The following SLC25A42 variants were observed in gnomAD, a reference collection of about 807,000 sequenced individuals.
SLC25A42 encodes the protein mitochondrial coenzyme A transporter SLC25A42.
Under a neutral mutation model 34.7 loss-of-function variants are expected in SLC25A42, and 19 were observed. That is an observed-to-expected ratio of 0.55 (90% CI 0.38 to 0.80). The LOEUF (loss-of-function observed/expected upper bound fraction) is 0.80. Among genes scored for constraint, SLC25A42 ranks in the 30% least tolerant of loss-of-function variants. SLC25A42 has a pLI of 0.00. For missense variants in SLC25A42, 364 were observed against 441.3 expected, an observed-to-expected ratio of 0.82 and a Z score of 1.57; for synonymous variants, 205 against 191.2, an observed-to-expected ratio of 1.07 and a Z score of -0.59.
At position 19,111,438 on chromosome 19, in the gene SLC25A42, A is replaced by C; in HGVS notation, c.*562A>C. The C allele has an allele frequency of 6.2e-6, 1 of 161,040 alleles. No individual in the cohort carries two copies. Among genetic ancestry groups the C allele is most frequent in the Non-Finnish European group, 1.4e-5 (1 of 73,100 alleles). The allele number at this position is 161,040 out of a possible 1,614,324, so 10.0% of individuals were successfully genotyped here. On this transcript the variant is annotated 3_prime_UTR_variant, in exon 8 of 8. Coordinates refer to ENST00000318596, the MANE Select transcript of SLC25A42 (RefSeq NM_178526.5). ...GGCCCTGCCTTCTCCAGTATTTCCC[A>C]CATGGCCACGACTCCTCAGTCACTA...
At chr19:19,088,672 T>G (rs1457525661) in intron 1 of SLC25A42, among the ~76,000 whole-genome samples, 1 of 148,352 alleles carries the variant, frequency 6.7e-6, no homozygotes, top group East Asian at 1.9e-4. Flanking sequence ...TTTTTTTTTG[T>G]ATTTTTTAGT....
intron 2 of SLC25A42, among the ~76,000 whole-genome samples, chr19:19,101,417 A>G (rs2059795558): frequency 6.6e-6 from 1 of 152,164 alleles, no homozygotes; most frequent in Non-Finnish European, 1.5e-5. Context: ...GCCTGTTTTC[A>G]GTCCCTGTGT....
At chr19:19,099,353 G>GA (rs1323374410) in intron 2 of SLC25A42, among the ~76,000 whole-genome samples, 1 of 152,162 alleles carries the variant, frequency 6.6e-6, no homozygotes, top group Admixed American at 6.6e-5. Flanking sequence ...GAGCACTGAG[G>GA]AAAAGGAGGC....
chr19:19,095,964 G>T, intron 1 of SLC25A42, 127 bp from the exon 2 acceptor site: 1 of 715,408 alleles, frequency 1.4e-6, no homozygotes, highest in Non-Finnish European at 2.6e-6. Context: ...GACCGTGGCT[G>T]CGGAATGCAG....
In SLC25A42 at chr19:19,101,891, G is replaced by A; in HGVS notation, c.187+5G>A. On this transcript the variant is annotated splice_donor_5th_base_variant and intron_variant, in intron 3 of 7. Transcript: ENST00000318596. The stretch of plus-strand genomic sequence containing the variant: ...GAACCAAAATCATCTTCCAAGGTAA[G>A]TGTTGGCCATCCCCAGGTGCTAGAG... 1.2e-6 allele frequency: 2 copies of A among 1,610,070 alleles called. No homozygotes were observed. Among genetic ancestry groups the A allele is most frequent in the South Asian group, 2.2e-5 (2 of 90,642 alleles).
chr19:19,105,071 C>A, intron 4 of SLC25A42, 133 bp downstream of exon 4: 1 of 1,098,888 alleles, frequency 9.1e-7, no homozygotes, highest in East Asian at 2.5e-5. Context: ...ATTCCCAGCT[C>A]TGCCTGGACA....
Position 19,104,958 on chromosome 19 carries a change from C to T in SLC25A42, c.213+20C>T. On this transcript the variant is annotated intron_variant, in intron 4 of 7. Transcript: ENST00000318596. ...GCCAAGGTGAGCCACTATGTCACCG[C>T]CCCGGCCTGGGGACAGTCACCACTA... 1 of 1,614,062 alleles carries T rather than the reference C, an allele frequency of 6.2e-7. No homozygotes were observed. The highest frequency in any genetic ancestry group is 8.5e-7 in the Non-Finnish European group (1 of 1,179,944).
intron 1 of SLC25A42, among the ~76,000 whole-genome samples, chr19:19,066,453 CT>C (rs34535990): frequency 0.78 from 103,128 of 131,676 alleles, 39,896 homozygotes; most frequent in East Asian, 0.87. Flanking sequence ...TTTTTTCTTT[CT>C]TTTTTTTTTT....
intron 1 of SLC25A42, among the ~76,000 whole-genome samples, chr19:19,074,702 AGTGTGTGTGTGCGTGCGTGTATGT>A (rs1345724710): frequency 2.0e-5 from 3 of 151,246 alleles, no homozygotes; most frequent in Non-Finnish European, 4.4e-5. Context: ...TGTGTGAGAG[AGTGTGTGTGTGCGTGCGTGTATGT>A]GTGTGTGTGT....
At position 19,106,451 on chromosome 19, in the gene SLC25A42, G is replaced by A. The variant is rs2059828974; in HGVS notation, c.497+66G>A. The A allele has an allele frequency of 2.2e-6, 3 of 1,355,060 alleles. No individual in the cohort carries two copies. The African/African-American group carries it at 4.4e-5, about 20-fold the overall frequency. 83.9% of individuals were successfully genotyped at this position (1,355,060 alleles called of 1,614,324 possible). A position where few individuals can be genotyped will look rare whatever the true frequency, so the allele number is the denominator to read the frequency against. On this transcript the variant is annotated intron_variant, in intron 6 of 7. Transcript: ENST00000318596. ...TCTGTGTCTCGGGGGCTCCCAGGTC[G>A]GAATCCCTCTCTCTATCGGGCCCCA...
intron 7 of SLC25A42, among the ~76,000 whole-genome samples, chr19:19,110,047 T>C (rs191074591): frequency 6.6e-6 from 1 of 152,264 alleles, no homozygotes; most frequent in African/African-American, 2.4e-5. Flanking sequence ...TTCTGCCTTT[T>C]AAGAAATTTT....
intron 1 of SLC25A42, among the ~76,000 whole-genome samples, chr19:19,092,529 T>A (rs1221939905): frequency 6.6e-6 from 1 of 152,198 alleles, no homozygotes; most frequent in African/African-American, 2.4e-5. Context: ...TCACAGAGGC[T>A]GGGCAGGTGC....
At chr19:19,074,376 A>G (rs2059645403) in intron 1 of SLC25A42, among the ~76,000 whole-genome samples, 1 of 152,236 alleles carries the variant, frequency 6.6e-6, no homozygotes, top group Non-Finnish European at 1.5e-5. Flanking sequence ...GTTAATGCTT[A>G]TTAACTAGAA....
intron 2 of SLC25A42, among the ~76,000 whole-genome samples, chr19:19,100,067 C>T (rs1360933223): frequency 2.6e-5 from 4 of 151,842 alleles, no homozygotes; most frequent in South Asian, 2.1e-4. Flanking sequence ...TTCGGCCGGG[C>T]GCGGTGTCTC....
chr19:19,075,642 A>G (rs760394717), intron 1 of SLC25A42, among the ~76,000 whole-genome samples: 9 of 152,212 alleles, frequency 5.9e-5, no homozygotes, highest in Non-Finnish European at 1.2e-4. Context: ...CCAGCACAGC[A>G]TACGAGTCAG....
At position 19,110,866 on chromosome 19, in the gene SLC25A42, T is replaced by C; in HGVS notation, c.947T>C (p.Leu316Pro). The C allele has an allele frequency of 6.2e-7, 1 of 1,613,814 alleles. No individual in the cohort carries two copies. Among genetic ancestry groups the C allele is most frequent in the Non-Finnish European group, 8.5e-7 (1 of 1,179,998 alleles). ...CTCATGCAGATCCTGCTGCGGCACCTGCAGAGCTAGGGGACCCTGAGCTGC... is the reference window on the plus strand; with the variant it reads ...CTCATGCAGATCCTGCTGCGGCACCCGCAGAGCTAGGGGACCCTGAGCTGC... ...FDLMQILLRH[L>P]QS The change falls in exon 8 of 8, where the codon CTG becomes CCG. Residue 316 changes from leucine to proline, a missense_variant. Coordinates refer to ENST00000318596, the MANE Select transcript of SLC25A42 (RefSeq NM_178526.5).
intron 7 of SLC25A42, 112 bp from the exon 8 acceptor site, chr19:19,110,457 A>T: frequency 1.3e-6 from 1 of 798,724 alleles, no homozygotes; most frequent in Non-Finnish European, 1.8e-6. Context: ...GTGCAAGTGC[A>T]TGTGTGTATG....
intron 3 of SLC25A42, among the ~76,000 whole-genome samples, chr19:19,102,462 G>A (rs1008839674): frequency 1.1e-4 from 17 of 151,922 alleles, no homozygotes; most frequent in African/African-American, 4.1e-4. Context: ...CCACTCAGAG[G>A]CCCTGGCGCA....
intron 1 of SLC25A42, among the ~76,000 whole-genome samples, chr19:19,071,641 C>T (rs574674822): frequency 1.2e-4 from 18 of 152,088 alleles, no homozygotes; most frequent in African/African-American, 2.4e-4. Flanking sequence ...CCGAGGTGGG[C>T]GGAGCACCTG....
Sources: gnomAD v4.1 joint callset for allele counts (sites outside exome capture counted in the v4.1 genomes callset) on GRCh38, gnomAD v4.1.1 for gene constraint, MANE v1.5 for transcripts, NCBI Gene and HGNC (gene_info 2026-07-23, HGNC 2026-07-21) for gene names.